Variants in CCDC178 observed in about 807,000 individuals in gnomAD.
CCDC178 encodes the protein coiled-coil domain containing 178.
CCDC178 carries 126 observed loss-of-function variants against 117.4 expected under a neutral mutation model. The observed-to-expected ratio is 1.07, with a 90% confidence interval of 0.93 to 1.24. The LOEUF is 1.24. CCDC178 is among the 50% of genes most tolerant of loss of function. The probability of loss-of-function intolerance (pLI) is 0.00; values close to 1 mark genes in which losing one functional copy is unlikely to be tolerated. For synonymous variants in CCDC178, 283 were observed against 313.4 expected, an observed-to-expected ratio of 0.90 and a Z score of 1.02; for missense variants, 1,030 against 986.9, an observed-to-expected ratio of 1.04 and a Z score of -0.59.
At chr18:33,418,612 G>C (rs972812573) in intron 2 of CCDC178, among the ~76,000 whole-genome samples, 7 of 151,412 alleles carry the variant, frequency 4.6e-5, no homozygotes, top group South Asian at 2.1e-4. Flanking sequence ...TGCCCAAAAG[G>C]CTCCTAGATC....
chr18:33,403,131 T>A (rs975815635), intron 3 of CCDC178, among the ~76,000 whole-genome samples: 8 of 152,174 alleles, frequency 5.3e-5, no homozygotes, highest in African/African-American at 1.9e-4. Flanking sequence ...CTGGTTGACC[T>A]TGAGACTCTG....
chr18:33,080,169 A>G (rs1445606952), intron 21 of CCDC178, among the ~76,000 whole-genome samples: 2 of 152,184 alleles, frequency 1.3e-5, no homozygotes, highest in Non-Finnish European at 2.9e-5. Context: ...CAACTAATGT[A>G]GGAACAGAAA....
chr18:33,340,435 A>G (rs2062802177), intron 9 of CCDC178, among the ~76,000 whole-genome samples: 1 of 152,208 alleles, frequency 6.6e-6, no homozygotes, highest in African/African-American at 2.4e-5. Flanking sequence ...GATAAATTCA[A>G]GCTGGCTGCA....
At chr18:33,223,271 T>C (rs2059260928) in intron 17 of CCDC178, 52 bp from the exon 18 acceptor site, 2 of 1,514,332 alleles carry the variant, frequency 1.3e-6, no homozygotes, top group Non-Finnish European at 1.8e-6. Context: ...CCAGTTATCC[T>C]CATTTAGGCC....
chr18:33,293,041 C>G (rs1274676019), intron 12 of CCDC178, 118 bp downstream of exon 12: 1 of 627,066 alleles, frequency 1.6e-6, no homozygotes, highest in African/African-American at 1.9e-5. Flanking sequence ...CTAATACAGG[C>G]AAATTGGCTA....
chr18:33,044,953 C>G (rs184756988), intron 21 of CCDC178, among the ~76,000 whole-genome samples: 140 of 152,038 alleles, frequency 9.2e-4, no homozygotes, highest in African/African-American at 3.2e-3. Flanking sequence ...TCAATGGGAG[C>G]CAAACAATGG....
chr18:32,962,181 TCTC>T (rs893949640), intron 22 of CCDC178, among the ~76,000 whole-genome samples: 7 of 152,084 alleles, frequency 4.6e-5, no homozygotes, highest in Admixed American at 1.3e-4. Flanking sequence ...TTCTATTTAT[TCTC>T]CTATCTTTTA....
rs1357714451 is a variant in CCDC178, at chr18:33,365,829, GA to G, written c.348+4220del. The stretch of plus-strand genomic sequence containing the variant: ...GGCAGTCTAAGAGAATAAGGTAGAG[GA>G]AAAAAATAAAACAAGAGTCTTTTAT... On this transcript the variant is annotated intron_variant, in intron 6 of 22. Transcript: ENST00000383096. Among the ~76,000 whole-genome samples the G allele has an allele frequency of 3.9e-5, 6 of 151,966 alleles. No homozygotes were observed. The East Asian group carries it at 9.7e-4, about 25-fold the overall frequency.
chr18:32,939,920 T>A (rs974118730), intron 22 of CCDC178, among the ~76,000 whole-genome samples: 4 of 152,188 alleles, frequency 2.6e-5, no homozygotes, highest in African/African-American at 9.6e-5. Flanking sequence ...TGAATTTGTA[T>A]GAAAAATTTA....
At chr18:33,246,702 G>A (rs1431091620) in intron 14 of CCDC178, among the ~76,000 whole-genome samples, 1 of 151,760 alleles carries the variant, frequency 6.6e-6, no homozygotes, top group Non-Finnish European at 1.5e-5. Flanking sequence ...AGCGACCAGT[G>A]CAAGGTTCAC....
chr18:33,224,690 C>T (rs2059280085), intron 17 of CCDC178, 85 bp downstream of exon 17: 12 of 889,380 alleles, frequency 1.3e-5, no homozygotes, highest in Non-Finnish European at 1.9e-5. Context: ...ATCATAATTT[C>T]CCAAATGATA....
Position 33,356,197 on chromosome 18 carries a change from A to G in CCDC178, c.371+127T>C, listed in dbSNP as rs1161518382. 3.4e-5 allele frequency: 32 copies of G among 939,460 alleles called. No homozygotes were observed. In the Admixed American group the frequency reaches 1.1e-3, roughly 31 times the overall value. The allele number at this position is 939,460 out of a possible 1,614,324, so 58.2% of individuals were successfully genotyped here. A position where few individuals can be genotyped will look rare whatever the true frequency, so the allele number is the denominator to read the frequency against. On this transcript the variant is annotated intron_variant, in intron 7 of 22. Coordinates refer to ENST00000383096, the MANE Select transcript of CCDC178 (RefSeq NM_001105528.4). ...TCTTATATTTTAAAAAATATATTGC[A>G]ATATCTATTGTGAAAAATCTTGCAT...
intron 12 of CCDC178, among the ~76,000 whole-genome samples, chr18:33,280,467 G>A (rs1229914832): frequency 1.3e-5 from 2 of 151,674 alleles, no homozygotes; most frequent in African/African-American, 4.9e-5. Flanking sequence ...GTGCTGGAGA[G>A]GATGGGGAGA....
At chr18:32,964,075 C>G (rs4799678) in intron 22 of CCDC178, among the ~76,000 whole-genome samples, 147,097 of 152,060 alleles carry the variant, frequency 0.97, 71,200 homozygotes, top group Non-Finnish European at 0.99. Context: ...AGAATAATAA[C>G]ATAATCATTC....
chr18:33,061,471 A>G (rs1484225710), intron 21 of CCDC178, among the ~76,000 whole-genome samples: 1 of 152,196 alleles, frequency 6.6e-6, no homozygotes, highest in Non-Finnish European at 1.5e-5. Context: ...AATGGAGGGA[A>G]TCTAAAAACC....
rs1048104340 is a variant in CCDC178, at chr18:32,937,609, A to C, written c.*402T>G. ...GTCACATGGGCATAGATATTGTTACAGTTTACACAAACTTTAAGTACTGAA... is the reference window on the plus strand; with the variant it reads ...GTCACATGGGCATAGATATTGTTACCGTTTACACAAACTTTAAGTACTGAA... On this transcript the variant is annotated 3_prime_UTR_variant, in exon 23 of 23. Transcript: ENST00000383096. The C allele has an allele frequency of 1.1e-5, 2 of 181,352 alleles. No individual in the cohort carries two copies. Among genetic ancestry groups the C allele is most frequent in the African/African-American group, 4.7e-5 (2 of 42,196 alleles). 11.2% of individuals were successfully genotyped at this position (181,352 alleles called of 1,614,324 possible).
intron 21 of CCDC178, among the ~76,000 whole-genome samples, chr18:33,022,938 T>C (rs946418086): frequency 6.6e-6 from 1 of 152,094 alleles, no homozygotes; most frequent in African/African-American, 2.4e-5. Context: ...AATGACTGTG[T>C]TGATATCAAA....
chr18:32,959,353 A>T (rs2054659588), intron 22 of CCDC178, among the ~76,000 whole-genome samples: 3 of 152,160 alleles, frequency 2.0e-5, no homozygotes, highest in Admixed American at 6.5e-5. Flanking sequence ...GGATTGAGGT[A>T]GGATACATAG....
chr18:33,328,292 G>T (rs917819944), intron 10 of CCDC178, among the ~76,000 whole-genome samples: 7 of 151,800 alleles, frequency 4.6e-5, no homozygotes, highest in Admixed American at 4.6e-4. Flanking sequence ...TAGTAGAAAC[G>T]GGGTTTCACC....
Sources: allele counts gnomAD v4.1 joint callset (sites outside exome capture counted in the v4.1 genomes callset), GRCh38; gene constraint gnomAD v4.1.1; transcripts MANE v1.5; gene names NCBI Gene and HGNC (gene_info 2026-07-23, HGNC 2026-07-21).